Variants in NAV2 observed in about 807,000 individuals in gnomAD.
NAV2 encodes the protein helicase, APC down-regulated 1.
In NAV2, 54 loss-of-function variants were observed where a neutral mutation model predicts 223.2. The ratio of observed to expected loss-of-function variants is 0.24; its 90% CI spans 0.19 to 0.30. NAV2 has a LOEUF of 0.30. Ranked by LOEUF, NAV2 falls within the 10% of genes least tolerant of loss-of-function variation. The pLI is 1.00. For missense variants in NAV2, 2,806 were observed against 3,147.5 expected (o/e 0.89, Z 2.60); for synonymous variants, 1,279 against 1,239.3 (o/e 1.03, Z -0.67).
chr11:20,075,200 A>T (rs7121979), intron 22 of NAV2, among the ~76,000 whole-genome samples: 1 of 149,966 alleles, frequency 6.7e-6, no homozygotes, highest in Admixed American at 6.6e-5. Context: ...CACTGTCTCC[A>T]TGTTTTTTGT....
chr11:19,481,102 T>C (rs750589828), intron 1 of NAV2, among the ~76,000 whole-genome samples: 1 of 152,136 alleles, frequency 6.6e-6, no homozygotes, highest in African/African-American at 2.4e-5. Flanking sequence ...CATTTGTAAC[T>C]CATGTCCACT....
At chr11:19,967,475 C>A (rs2048868157) in intron 10 of NAV2, among the ~76,000 whole-genome samples, 1 of 151,990 alleles carries the variant, frequency 6.6e-6, no homozygotes, top group Non-Finnish European at 1.5e-5. Context: ...GTAGAAAGTA[C>A]AAATATTGGC....
At chr11:19,861,697 C>T (rs531797657) in intron 3 of NAV2, among the ~76,000 whole-genome samples, 1 of 152,302 alleles carries the variant, frequency 6.6e-6, no homozygotes, top group South Asian at 2.1e-4. Context: ...ACTCCTTAGC[C>T]CTAATCATTC....
intron 3 of NAV2, among the ~76,000 whole-genome samples, chr11:19,860,169 G>A (rs1233652394): frequency 2.1e-5 from 3 of 144,050 alleles, no homozygotes; most frequent in Admixed American, 6.9e-5. Flanking sequence ...CAGGCGGGGG[G>A]CTGACCCCCC....
intron 10 of NAV2, among the ~76,000 whole-genome samples, chr11:19,972,305 G>T (rs777357765): frequency 6.6e-6 from 1 of 152,198 alleles, no homozygotes. Context: ...ACATCTGGAC[G>T]AGTGACCAGG....
rs750355720 is a variant in NAV2, at chr11:20,090,853, C to T, written c.5499-12C>T. The stretch of plus-strand genomic sequence containing the variant: ...GGAGCTGCTTTCATCAGTAACATTC[C>T]TCTTTCCCTAGAATTTCAGAATGCA... On this transcript the variant is annotated splice_polypyrimidine_tract_variant and intron_variant, in intron 26 of 37. Coordinates refer to ENST00000349880, the MANE Select transcript of NAV2 (RefSeq NM_145117.5). The T allele has an allele frequency of 5.0e-6, 8 of 1,613,018 alleles. No homozygotes were observed. Among genetic ancestry groups the T allele is most frequent in the Non-Finnish European group, 6.8e-6 (8 of 1,179,264 alleles).
chr11:19,661,492 G>A (rs2048281516), intron 1 of NAV2, among the ~76,000 whole-genome samples: 1 of 150,834 alleles, frequency 6.6e-6, no homozygotes, highest in Non-Finnish European at 1.5e-5. Context: ...ATTTAAACTT[G>A]TCAGAGCGCT....
At chr11:19,826,227 C>T (rs2059634780) in intron 1 of NAV2, among the ~76,000 whole-genome samples, 1 of 152,176 alleles carries the variant, frequency 6.6e-6, no homozygotes, top group African/African-American at 2.4e-5. Flanking sequence ...AGCTATCCAC[C>T]TGGGGGCAAA....
chr11:20,105,795 C>A, intron 35 of NAV2, 68 bp downstream of exon 35: 1 of 1,260,160 alleles, frequency 7.9e-7, no homozygotes, highest in Non-Finnish European at 1.1e-6. Context: ...GGGCCCTGGC[C>A]AGGACAGCAC....
rs1305536051 is a variant in NAV2, at chr11:19,998,471, G to A, written c.2768+14224G>A. Among the ~76,000 whole-genome samples the A allele has an allele frequency of 1.3e-5, 2 of 151,958 alleles. No homozygotes were observed. The highest frequency in any genetic ancestry group is 2.4e-5 in the African/African-American group (1 of 41,350). ...TTAACATATACATCAGATCTCCTCT[G>A]CCCTTGCCTGAAACCCTCCCTTAGT... On this transcript the variant is annotated intron_variant, in intron 11 of 37. Coordinates refer to ENST00000349880, the MANE Select transcript of NAV2 (RefSeq NM_145117.5). This position sits in a 1 kb window ranked among gnomAD's most constrained non-coding sequence, Gnocchi z 5.0.
At chr11:19,476,017 T>C (rs2042103184) in intron 1 of NAV2, among the ~76,000 whole-genome samples, 1 of 152,178 alleles carries the variant, frequency 6.6e-6, no homozygotes, top group Admixed American at 6.5e-5. Context: ...CTCTACTCAC[T>C]AGGCTGGAGT....
intron 1 of NAV2, among the ~76,000 whole-genome samples, chr11:19,426,869 C>T (rs1850851438): frequency 1.3e-5 from 2 of 152,302 alleles, no homozygotes; most frequent in Middle Eastern, 3.4e-3. Flanking sequence ...CATACTTTCT[C>T]CTCTCATCAG....
At chr11:19,956,170 C>T (rs2153390027) in intron 10 of NAV2, among the ~76,000 whole-genome samples, 1 of 152,234 alleles carries the variant, frequency 6.6e-6, no homozygotes, top group African/African-American at 2.4e-5. Flanking sequence ...GGGCTTGGAG[C>T]CAATGAATGG....
intron 1 of NAV2, among the ~76,000 whole-genome samples, chr11:19,356,126 A>G (rs1853600876): frequency 6.6e-6 from 1 of 152,202 alleles, no homozygotes; most frequent in Non-Finnish European, 1.5e-5. Context: ...CCTGACATGA[A>G]TGAAGGGAGT....
intron 1 of NAV2, among the ~76,000 whole-genome samples, chr11:19,777,093 A>AC (rs1166485329): frequency 0.088 from 11,135 of 125,952 alleles, 593 homozygotes; most frequent in Non-Finnish European, 0.13. Context: ...CCAGCCGCCG[A>AC]CCCCCCCCCC....
At chr11:19,811,856 A>G (rs1392415773) in intron 1 of NAV2, among the ~76,000 whole-genome samples, 1 of 152,154 alleles carries the variant, frequency 6.6e-6, no homozygotes, top group East Asian at 1.9e-4. Context: ...TATTTATTCA[A>G]TTCCTACTAT....
At chr11:19,694,405 C>T (rs2049268011) in intron 1 of NAV2, among the ~76,000 whole-genome samples, 2 of 152,110 alleles carry the variant, frequency 1.3e-5, no homozygotes, top group Non-Finnish European at 2.9e-5. Flanking sequence ...TCACAGGTGC[C>T]GATCATTAGA....
intron 1 of NAV2, among the ~76,000 whole-genome samples, chr11:19,804,545 T>A (rs573416743): frequency 6.6e-6 from 1 of 152,330 alleles, no homozygotes; most frequent in East Asian, 1.9e-4. Flanking sequence ...ACCAGGACAT[T>A]CCATCTCCTG....
chr11:19,704,785 G>A (rs528254539), intron 1 of NAV2, among the ~76,000 whole-genome samples: 1 of 152,212 alleles, frequency 6.6e-6, no homozygotes, highest in South Asian at 2.1e-4. Context: ...GGCCGAGGCG[G>A]GTGGATCACG....
Sources: gnomAD v4.1 joint callset for allele counts (sites outside exome capture counted in the v4.1 genomes callset) on GRCh38, gnomAD v4.1.1 for gene constraint, Gnocchi (gnomAD v3.1) non-coding constraint, MANE v1.5 for transcripts, NCBI Gene and HGNC (gene_info 2026-07-23, HGNC 2026-07-21) for gene names.